SLC16A7: variants seen among roughly 807,000 people sequenced by gnomAD.
The protein encoded by SLC16A7 is solute carrier family 16 member 7.
Under a neutral mutation model 34.9 loss-of-function variants are expected in SLC16A7, and 33 were observed. That is an observed-to-expected ratio of 0.94 (90% confidence interval 0.72 to 1.26). The LOEUF (loss-of-function observed/expected upper bound fraction) is 1.26, where lower values mean the gene tolerates loss of function less well. Ranked by LOEUF, SLC16A7 falls within the 50% of genes most tolerant of loss-of-function variation. The pLI, the probability that SLC16A7 is intolerant of heterozygous loss-of-function variation, is 0.00. For missense variants in SLC16A7, 573 were observed against 578.1 expected (o/e 0.99, Z 0.09); for synonymous variants, 201 against 206.6 (o/e 0.97, Z 0.23).
At chr12:59,653,983 T>C (rs1868407108) in intron 1 of SLC16A7, among the ~76,000 whole-genome samples, 1 of 151,670 alleles carries the variant, frequency 6.6e-6, no homozygotes, top group Admixed American at 6.6e-5. Context: ...AAGATAAATA[T>C]CAGAATTTGT....
chr12:59,702,976 C>T (rs12827437), intron 2 of SLC16A7, among the ~76,000 whole-genome samples: 6,134 of 151,928 alleles, frequency 0.04, 198 homozygotes, highest in Middle Eastern at 0.13. Context: ...AGAAAAAATA[C>T]CTTAAAAGGC....
intron 2 of SLC16A7, among the ~76,000 whole-genome samples, chr12:59,671,708 A>ATATATGTGTATATATATGTGTATATATG: frequency 1.4e-5 from 2 of 146,806 alleles, no homozygotes; most frequent in Non-Finnish European, 3.0e-5. Context: ...GTGTGTATAT[A>ATATATGTGTATATATATGTGTATATATG]TATATGTGTA....
intron 4 of SLC16A7, among the ~76,000 whole-genome samples, chr12:59,772,157 C>A (rs1882295971): frequency 6.6e-6 from 1 of 152,018 alleles, no homozygotes. Context: ...GATAAAAAGG[C>A]AAACATATTT....
intron 3 of SLC16A7, among the ~76,000 whole-genome samples, chr12:59,727,823 A>C (rs35506739): frequency 9.9e-5 from 15 of 152,120 alleles, no homozygotes; most frequent in African/African-American, 3.4e-4. Context: ...AGGTAGTGTC[A>C]TATTGGTTAA....
intron 2 of SLC16A7, among the ~76,000 whole-genome samples, chr12:59,668,394 C>T (rs763411834): frequency 2.9e-4 from 44 of 152,298 alleles, no homozygotes; most frequent in Admixed American, 7.2e-4. Flanking sequence ...ATCAGCATGT[C>T]CTGGATTTGG....
At chr12:59,691,088 C>T (rs965982987) in intron 2 of SLC16A7, among the ~76,000 whole-genome samples, 2 of 151,926 alleles carry the variant, frequency 1.3e-5, no homozygotes, top group African/African-American at 4.8e-5. Context: ...AAGATTTACT[C>T]ATTATATAAT....
chr12:59,772,123 C>G (rs1229982595), intron 4 of SLC16A7, among the ~76,000 whole-genome samples: 1 of 152,030 alleles, frequency 6.6e-6, no homozygotes, highest in Admixed American at 6.6e-5. Context: ...TATAAAGAGA[C>G]TGAATCTTTT....
chr12:59,630,829 G>T (rs1396554808), intron 1 of SLC16A7, among the ~76,000 whole-genome samples: 1 of 151,782 alleles, frequency 6.6e-6, no homozygotes, highest in Admixed American at 6.6e-5. Flanking sequence ...AAAATCAGTG[G>T]TTTCATGGTA....
chr12:59,756,073 G>A (rs928300954), intron 3 of SLC16A7, among the ~76,000 whole-genome samples: 8 of 152,126 alleles, frequency 5.3e-5, no homozygotes, highest in African/African-American at 1.9e-4. Context: ...GCTGAAACTG[G>A]ATCCCTTCCT....
At chr12:59,702,812 T>TC (rs1189961639) in intron 2 of SLC16A7, among the ~76,000 whole-genome samples, 3 of 152,050 alleles carry the variant, frequency 2.0e-5, no homozygotes, top group Admixed American at 6.6e-5. Flanking sequence ...TGCTTTTTTT[T>TC]CTCCCTAAAT....
At chr12:59,776,460 G>A (rs1023416182) in intron 5 of SLC16A7, among the ~76,000 whole-genome samples, 1 of 152,130 alleles carries the variant, frequency 6.6e-6, no homozygotes, top group South Asian at 2.1e-4. Context: ...GCCTTTGCCA[G>A]CAACCAATGT....
chr12:59,609,291 A>G (rs1375755210), intron 1 of SLC16A7, among the ~76,000 whole-genome samples: 1 of 152,230 alleles, frequency 6.6e-6, no homozygotes, highest in East Asian at 1.9e-4. Flanking sequence ...GTTTGTACCA[A>G]AGAACCGATA....
intron 3 of SLC16A7, among the ~76,000 whole-genome samples, chr12:59,732,374 C>G (rs751852672): frequency 3.9e-5 from 6 of 152,094 alleles, no homozygotes; most frequent in Non-Finnish European, 8.8e-5. Context: ...GAGCCGAGAT[C>G]GCGCCACTGC....
Position 59,775,073 on chromosome 12 carries a change from G to T in SLC16A7, c.778G>T (p.Gly260Cys). 6.2e-7 allele frequency: 1 copy of T among 1,614,078 alleles called. No homozygotes were observed. Among genetic ancestry groups the T allele is most frequent in the Non-Finnish European group, 8.5e-7 (1 of 1,179,998 alleles). The change falls in exon 5 of 6, where the codon GGT (glycine) becomes TGT (cysteine). Residue 260 changes from glycine (G) to cysteine (C), a missense_variant. Gly to Cys is a radical substitution (Grantham distance 159). Coordinates refer to ENST00000547379, the MANE Select transcript of SLC16A7 (RefSeq NM_001270623.2). ...GTCTGGAAATGTCATTATGTTCCTA[G>T]GTTTTTTTGCCCCCATTATATTCTT... ...YLSGNVIMFL[G>C]FFAPIIFLAP...
chr12:59,711,910 G>A (rs1048731467), intron 3 of SLC16A7, among the ~76,000 whole-genome samples: 1 of 152,184 alleles, frequency 6.6e-6, no homozygotes, highest in East Asian at 1.9e-4. Context: ...GCAATGAGAA[G>A]CAGAAGAGCA....
At chr12:59,603,725 A>G (rs1301474803) in intron 1 of SLC16A7, among the ~76,000 whole-genome samples, 3 of 152,208 alleles carry the variant, frequency 2.0e-5, no homozygotes, top group Non-Finnish European at 4.4e-5. Context: ...GTCAGGAATA[A>G]TAATGTATTC....
intron 1 of SLC16A7, among the ~76,000 whole-genome samples, chr12:59,652,859 G>A (rs535809958): frequency 6.6e-6 from 1 of 151,870 alleles, no homozygotes; most frequent in South Asian, 2.1e-4. Context: ...ACTTATCTGT[G>A]ATTTACACAT....
At chr12:59,677,905 C>T (rs1434542138) in intron 2 of SLC16A7, among the ~76,000 whole-genome samples, 2 of 152,332 alleles carry the variant, frequency 1.3e-5, no homozygotes, top group Non-Finnish European at 1.5e-5. Context: ...AAGCCAGAAA[C>T]CTCTGTGGCT....
chr12:59,610,396 T>C lies in SLC16A7; in HGVS notation c.-130+14160T>C, dbSNP rs369257061. ...CTTATAAATTGTATGTTGGGATTGA[T>C]GCTAGTATCAAGAAATCAAATAGAC... On this transcript the variant is annotated intron_variant, in intron 1 of 5. Coordinates refer to ENST00000547379, the MANE Select transcript of SLC16A7 (RefSeq NM_001270623.2). Among the ~76,000 whole-genome samples, 174 of 152,358 alleles carry C rather than the reference T, an allele frequency of 1.1e-3. 1 individual carries two copies. The highest frequency in any genetic ancestry group is 3.9e-3 in the African/African-American group (163 of 41,590).
Sources: allele counts gnomAD v4.1 joint callset (sites outside exome capture counted in the v4.1 genomes callset), GRCh38; gene constraint gnomAD v4.1.1; transcripts MANE v1.5; gene names NCBI Gene and HGNC (gene_info 2026-07-23, HGNC 2026-07-21).